The following OR7C1 variants were observed in gnomAD, a reference collection of about 807,000 sequenced individuals.
The protein encoded by OR7C1 is olfactory receptor family 7 subfamily C member 1.
For synonymous variants in OR7C1, 152 were observed against 160.7 expected, an observed-to-expected ratio of 0.95 and a Z score of 0.41; for missense variants, 324 against 383.3, an observed-to-expected ratio of 0.85 and a Z score of 1.29.
intron 1 of OR7C1, 144 bp downstream of exon 1, chr19:14,834,930 A>G (rs2044870377): frequency 6.6e-6 from 1 of 152,200 alleles, no homozygotes; most frequent in Non-Finnish European, 1.5e-5. Flanking sequence ...TTACTTAGTT[A>G]ATTAATCAAC....
rs1162241411 is a variant in OR7C1, at chr19:14,822,373, C to CTTTTTTT, written c.-622-12387_-622-12381dup. ...ATCCTCATCAGCACTTATCTCCTGT[C>CTTTTTTT]TTTTTTTTTTTTTTTTTTTTTTTTT... On this transcript the variant is annotated intron_variant, in intron 1 of 4. Transcript: ENST00000641666. Among the ~76,000 whole-genome samples the CTTTTTTT allele has an allele frequency of 8.2e-3, 556 of 67,718 alleles. 75 individuals carry two copies. Among genetic ancestry groups the CTTTTTTT allele is most frequent in the African/African-American group, 0.02 (373 of 18,524 alleles). 44.4% of individuals were successfully genotyped at this position (67,718 alleles called of 152,430 possible).
intron 1 of OR7C1, among the ~76,000 whole-genome samples, chr19:14,828,904 G>C (rs1420988009): frequency 6.6e-6 from 1 of 150,462 alleles, no homozygotes; most frequent in African/African-American, 2.4e-5. Context: ...ACAATCTAAT[G>C]ATGAAGAAAG....
intron 1 of OR7C1, among the ~76,000 whole-genome samples, chr19:14,815,427 A>T (rs2044711572): frequency 6.6e-6 from 1 of 152,172 alleles, no homozygotes; most frequent in Non-Finnish European, 1.5e-5. Flanking sequence ...AACCTGTTGA[A>T]TATGTATGTC....
At chr19:14,801,064 C>T (rs548005637) in intron 2 of OR7C1, among the ~76,000 whole-genome samples, 2 of 152,220 alleles carry the variant, frequency 1.3e-5, no homozygotes, top group East Asian at 3.9e-4. Flanking sequence ...GCCAATGAAC[C>T]CCAGGGTATA....
In OR7C1 at chr19:14,799,459, C is replaced by T. The variant is rs747404880; in HGVS notation, c.678G>A (p.Leu226=). The T allele has an allele frequency of 1.9e-6, 3 of 1,614,172 alleles. No individual in the cohort carries two copies. The East Asian group carries it at 6.7e-5, about 36-fold the overall frequency. ...GCTTTCTCCCAGCTGAGGAAATCCT[C>T]AGTATAGAGAAAACAATTTTATAGT... is the stretch of plus-strand genomic sequence containing the variant. The change falls in exon 5 of 5, where the codon CTG becomes CTA. Residue 226 remains leucine (L), a synonymous_variant. Transcript: ENST00000641666.
chr19:14,819,120 T>A (rs2044729906), intron 1 of OR7C1, among the ~76,000 whole-genome samples: 1 of 150,056 alleles, frequency 6.7e-6, no homozygotes, highest in African/African-American at 2.5e-5. Context: ...TATTGCCACC[T>A]TTCTTTTTTC....
intron 1 of OR7C1, among the ~76,000 whole-genome samples, chr19:14,816,692 C>T (rs796264308): frequency 6.6e-6 from 1 of 152,242 alleles, no homozygotes; most frequent in African/African-American, 2.4e-5. Flanking sequence ...TGGGACTTCA[C>T]CTTGCGATAA....
chr19:14,808,220 A>G (rs2044675108), intron 2 of OR7C1, among the ~76,000 whole-genome samples: 2 of 151,944 alleles, frequency 1.3e-5, no homozygotes, highest in Non-Finnish European at 2.9e-5. Flanking sequence ...GAGATTTCCC[A>G]AAGAACTAAA....
chr19:14,808,265 G>A, intron 2 of OR7C1, among the ~76,000 whole-genome samples: 1 of 151,946 alleles, frequency 6.6e-6, no homozygotes, highest in East Asian at 1.9e-4. Flanking sequence ...AATCCCACTA[G>A]TGGGTATATA....
chr19:14,819,862 G>A (rs2044732869), intron 1 of OR7C1, among the ~76,000 whole-genome samples: 1 of 152,002 alleles, frequency 6.6e-6, no homozygotes, highest in African/African-American at 2.4e-5. Context: ...TGTGATTAAT[G>A]GTTATTTTCT....
At position 14,800,241 on chromosome 19, in the gene OR7C1, T is replaced by C; in HGVS notation, c.-14+15A>G. 7.7e-7 allele frequency: 1 copy of C among 1,299,390 alleles called. No homozygotes were observed. The highest frequency in any genetic ancestry group is 1.5e-5 in the South Asian group (1 of 66,224). 80.5% of individuals were successfully genotyped at this position (1,299,390 alleles called of 1,614,324 possible). A position where few individuals can be genotyped will look rare whatever the true frequency, so the allele number is the denominator to read the frequency against. On this transcript the variant is annotated intron_variant, in intron 4 of 4. Transcript: ENST00000641666. ...ATTTAATTTTAAGTGAAGGAATCAA[T>C]TAACAAAAGATTGCCTTTTTCTTGC...
intron 1 of OR7C1, chr19:14,826,692 C>A (rs2044771001): frequency 6.6e-6 from 1 of 152,208 alleles, no homozygotes; most frequent in Non-Finnish European, 1.5e-5. Flanking sequence ...GGGCATTGCA[C>A]TCGGAACATA....
intron 1 of OR7C1, chr19:14,827,753 T>G: frequency 6.2e-7 from 1 of 1,614,190 alleles, no homozygotes; most frequent in Non-Finnish European, 8.5e-7. Flanking sequence ...ACAGCCGTAC[T>G]ACCATTAAGA....
rs927563280 is a variant in OR7C1, at chr19:14,809,485, G to T, written c.-435+321C>A. Among the ~76,000 whole-genome samples the T allele has an allele frequency of 3.3e-5, 5 of 151,528 alleles. 1 individual carries two copies. Among genetic ancestry groups the T allele is most frequent in the African/African-American group, 7.3e-5 (3 of 41,050 alleles). ...AACAGATTGAAAGCAAGAAGAAACA[G>T]AGATTGAAAGCAAGAAGAAACATAG... On this transcript the variant is annotated intron_variant, in intron 2 of 4. Transcript: ENST00000641666.
At chr19:14,818,723 G>A (rs2044727898) in intron 1 of OR7C1, among the ~76,000 whole-genome samples, 1 of 152,128 alleles carries the variant, frequency 6.6e-6, no homozygotes, top group African/African-American at 2.4e-5. Context: ...TGTATTTATA[G>A]ATGCGCTTGG....
At chr19:14,812,724 T>A (rs983641734) in intron 1 of OR7C1, among the ~76,000 whole-genome samples, 1 of 151,730 alleles carries the variant, frequency 6.6e-6, no homozygotes, top group Non-Finnish European at 1.5e-5. Context: ...CACCATAATA[T>A]AGAATTAGAG....
chr19:14,799,725 G>C, exon 5 of OR7C1: 1 of 1,614,128 alleles, frequency 6.2e-7, no homozygotes, highest in East Asian at 2.2e-5. Flanking sequence ...CAGAGCTGGG[G>C]GTTCATGATG....
At chr19:14,804,661 A>G (rs1380489797) in intron 2 of OR7C1, among the ~76,000 whole-genome samples, 1 of 151,870 alleles carries the variant, frequency 6.6e-6, no homozygotes, top group Non-Finnish European at 1.5e-5. Flanking sequence ...TACATAAACG[A>G]GTCGCAGGAT....
At chr19:14,831,753 T>A (rs374188099) in intron 1 of OR7C1, among the ~76,000 whole-genome samples, 2 of 151,840 alleles carry the variant, frequency 1.3e-5, no homozygotes, top group African/African-American at 2.4e-5. Flanking sequence ...TATTTTATTT[T>A]TTTTTTGCTA....
Sources: gnomAD v4.1 joint callset for allele counts (sites outside exome capture counted in the v4.1 genomes callset) on GRCh38, gnomAD v4.1.1 for gene constraint, MANE v1.5 for transcripts, NCBI Gene and HGNC (gene_info 2026-07-23, HGNC 2026-07-21) for gene names.